The following ELAVL4 variants were observed in gnomAD, a reference collection of about 807,000 sequenced individuals.
ELAVL4 encodes ELAV-like protein 4.
Under a neutral mutation model 35.6 loss-of-function variants are expected in ELAVL4, and 1 was observed. That is an observed-to-expected ratio of 0.03 (90% CI 0.01 to 0.13). The LOEUF (loss-of-function observed/expected upper bound fraction) is 0.13. Ranked by LOEUF, ELAVL4 falls within the 10% of genes least tolerant of loss-of-function variation. The pLI is 1.00. For synonymous variants in ELAVL4, 156 were observed against 171.0 expected (o/e 0.91, Z 0.69); for missense variants, 267 against 464.9 (o/e 0.57, Z 3.91).
rs370097129 is a variant in ELAVL4 at position 50,048,884 on chromosome 1, C to G, written c.18+702C>G. The stretch of plus-strand genomic sequence containing the variant: ...CCTGTGTATGTTGTAATTGTTGTCT[C>G]TCTTTGGGCTGGGGGCTGTTATACA... On this transcript the variant is annotated intron_variant, in intron 1 of 6. Coordinates refer to the ELAVL4 transcript ENST00000448907. 5.3e-5 allele frequency among the ~76,000 whole-genome samples: 8 copies of G among 152,172 alleles called. No individual in the cohort carries two copies. The East Asian group carries it at 7.7e-4, about 15-fold the overall frequency.
At chr1:50,143,550 G>A (rs1195331838) in intron 1 of ELAVL4, among the ~76,000 whole-genome samples, 3 of 152,092 alleles carry the variant, frequency 2.0e-5, no homozygotes, top group South Asian at 2.1e-4. Context: ...TTTGCCATAC[G>A]GTGGCATTGT....
At chr1:50,053,843 T>A (rs1220921612) in intron 1 of ELAVL4, among the ~76,000 whole-genome samples, 2 of 151,894 alleles carry the variant, frequency 1.3e-5, no homozygotes, top group East Asian at 1.9e-4. Flanking sequence ...AAAAATAGAG[T>A]AAGATAAAGA....
intron 3 of ELAVL4, among the ~76,000 whole-genome samples, chr1:50,179,187 T>C (rs1417639086): frequency 1.3e-5 from 2 of 152,004 alleles, no homozygotes; most frequent in African/African-American, 4.8e-5. Context: ...ACCCACCCTG[T>C]ATCAAAACGC....
intron 1 of ELAVL4, among the ~76,000 whole-genome samples, chr1:50,064,506 C>T (rs1049245427): frequency 5.3e-5 from 8 of 152,136 alleles, no homozygotes; most frequent in African/African-American, 1.9e-4. Flanking sequence ...GCTATCAGTC[C>T]TGCCAACTTC....
intron 2 of ELAVL4, among the ~76,000 whole-genome samples, chr1:50,151,981 A>G (rs950398182): frequency 1.3e-5 from 2 of 152,080 alleles, no homozygotes; most frequent in African/African-American, 2.4e-5. Flanking sequence ...ACAGTAAACC[A>G]TGTAATCATT....
At position 50,177,168 on chromosome 1, in the gene ELAVL4, C is replaced by G. The variant is rs981858870; in HGVS notation, c.330C>G (p.Leu110=). 2 of 1,613,920 alleles carry G rather than the reference C, an allele frequency of 1.2e-6. No individual in the cohort carries two copies. The highest frequency in any genetic ancestry group is 1.7e-6 in the Non-Finnish European group (2 of 1,179,882). Reference sequence around the variant, plus strand: ...AAGCCATCAACACTTTAAATGGACTCAGACTCCAGACCAAAACCATAAAGG... The same window carrying G: ...AAGCCATCAACACTTTAAATGGACTGAGACTCCAGACCAAAACCATAAAGG... The part of the protein sequence containing the change: ...AEKAINTLNG[L]RLQTKTIKVS... Residue 110 remains leucine, a synonymous_variant, in exon 3 of 7, where the codon CTC becomes CTG. Transcript: ENST00000371824.
chr1:50,067,125 G>C (rs1460309107), intron 1 of ELAVL4, among the ~76,000 whole-genome samples: 1 of 152,154 alleles, frequency 6.6e-6, no homozygotes, highest in Non-Finnish European at 1.5e-5. Context: ...GAAATTGACA[G>C]GTGTTTGCAA....
intron 1 of ELAVL4, among the ~76,000 whole-genome samples, chr1:50,078,193 G>T (rs555295461): frequency 6.6e-6 from 1 of 151,920 alleles, no homozygotes; most frequent in African/African-American, 2.4e-5. Flanking sequence ...TGCAGTAGTA[G>T]TGGTGGTGAT....
At chr1:50,125,198 C>A (rs1046592577) in intron 1 of ELAVL4, among the ~76,000 whole-genome samples, 1 of 151,616 alleles carries the variant, frequency 6.6e-6, no homozygotes, top group Non-Finnish European at 1.5e-5. Context: ...GTGATCACAC[C>A]ACTGCACTCC....
At chr1:50,090,595 G>GT (rs1262246484) in intron 1 of ELAVL4, among the ~76,000 whole-genome samples, 1 of 152,176 alleles carries the variant, frequency 6.6e-6, no homozygotes, top group Non-Finnish European at 1.5e-5. Flanking sequence ...TCCATAGGAT[G>GT]CTATACTCCA....
At chr1:50,131,555 C>T (rs936382524) in intron 1 of ELAVL4, among the ~76,000 whole-genome samples, 4 of 151,702 alleles carry the variant, frequency 2.6e-5, no homozygotes, top group Non-Finnish European at 5.9e-5. Context: ...TTTGGGAGGC[C>T]GAGGAGGGCT....
At chr1:50,090,828 G>C (rs1309367289) in intron 1 of ELAVL4, among the ~76,000 whole-genome samples, 1 of 152,186 alleles carries the variant, frequency 6.6e-6, no homozygotes, top group Non-Finnish European at 1.5e-5. Context: ...CAGCCCCACT[G>C]TATTCTAGCT....
rs545068818 is a variant in ELAVL4 at position 50,089,513 on chromosome 1, G to A, written c.18+41331G>A. On this transcript the variant is annotated intron_variant, in intron 1 of 6. Coordinates refer to the ELAVL4 transcript ENST00000448907. ...CATTCTTGTAATCCCAGCATTTTGG[G>A]AGGCCAAGGTGGGCAGATCAATTGA... Among the ~76,000 whole-genome samples, 169 of 152,248 alleles carry A rather than the reference G, an allele frequency of 1.1e-3. 1 individual carries two copies. The highest frequency in any genetic ancestry group is 3.9e-3 in the African/African-American group (161 of 41,538).
chr1:50,177,366 T>A (rs1408966843), intron 3 of ELAVL4, among the ~76,000 whole-genome samples, 174 bp downstream of exon 3: 1 of 151,792 alleles, frequency 6.6e-6, no homozygotes, highest in Non-Finnish European at 1.5e-5. Context: ...AAGAGTGAGG[T>A]GAGGGTTGAG....
At chr1:50,150,131 A>G (rs571705787) in intron 2 of ELAVL4, among the ~76,000 whole-genome samples, 6 of 152,340 alleles carry the variant, frequency 3.9e-5, no homozygotes, top group African/African-American at 1.4e-4. Context: ...TAGCGCTGGA[A>G]CATGTCTCTT....
At chr1:50,104,909 G>A (rs1010969868), upstream of ELAVL4, among the ~76,000 whole-genome samples, 24 of 152,186 alleles carry the variant, frequency 1.6e-4, no homozygotes, top group Non-Finnish European at 1.5e-5. Flanking sequence ...CAAAGGAGAT[G>A]CCAAGTTAGC....
chr1:50,141,289 T>A (rs962501267), intron 1 of ELAVL4, among the ~76,000 whole-genome samples: 3 of 152,128 alleles, frequency 2.0e-5, no homozygotes, highest in Admixed American at 1.3e-4. Context: ...GTTGGGGAGC[T>A]GAAAGAAGGG....
Position 50,200,860 on chromosome 1 carries a change from A to T in ELAVL4, c.783A>T (p.Pro261=). The T allele has an allele frequency of 6.2e-7, 1 of 1,613,622 alleles. No individual in the cohort carries two copies. The stretch of plus-strand genomic sequence containing the variant: ...CTGCTTGTCCCCCCAGGTTCTCCCC[A>T]ATTACCATTGATGGAATGACAAGCC... The part of the protein sequence containing the change: ...NMAYGVKRFS[P]ITIDGMTSLV... Residue 261 remains proline, a synonymous_variant, in exon 7 of 7, where the codon CCA becomes CCT. Transcript: ENST00000371824.
intron 1 of ELAVL4, among the ~76,000 whole-genome samples, chr1:50,075,510 C>T (rs1664720518): frequency 6.6e-6 from 1 of 152,118 alleles, no homozygotes; most frequent in Non-Finnish European, 1.5e-5. Context: ...AGCTCTAGCC[C>T]TAGTCTCATC....
Sources: gnomAD v4.1 joint callset for allele counts (sites outside exome capture counted in the v4.1 genomes callset) on GRCh38, gnomAD v4.1.1 for gene constraint, MANE v1.5 for transcripts, NCBI Gene and HGNC (gene_info 2026-07-23, HGNC 2026-07-21) for gene names.